Variants in PDE11A observed in about 807,000 individuals in gnomAD.
PDE11A encodes dual 3',5'-cyclic-AMP and -GMP phosphodiesterase 11A.
A neutral mutation model predicts 100.5 loss-of-function variants in PDE11A; 100 were observed. The observed-to-expected ratio is 1.00, with a 90% CI of 0.85 to 1.18. The LOEUF (loss-of-function observed/expected upper bound fraction) is 1.18. Among genes scored for constraint, PDE11A ranks in the 50% most tolerant of loss-of-function variants. The pLI is 0.00. For synonymous variants in PDE11A, 381 were observed against 420.8 expected, an observed-to-expected ratio of 0.91 and a Z score of 1.16; for missense variants, 1,141 against 1,152.6, an observed-to-expected ratio of 0.99 and a Z score of 0.15.
chr2:178,031,022 T>C (rs1318028097), intron 1 of PDE11A, among the ~76,000 whole-genome samples: 1 of 152,180 alleles, frequency 6.6e-6, no homozygotes, highest in Non-Finnish European at 1.5e-5. Flanking sequence ...GCAAGATTGG[T>C]TTAATATGAG....
chr2:177,936,903 C>T (rs900771587), intron 2 of PDE11A, among the ~76,000 whole-genome samples: 1 of 150,540 alleles, frequency 6.6e-6, no homozygotes, highest in Non-Finnish European at 1.5e-5. Context: ...GCCTTGGTGA[C>T]AAGAGAAGGA....
intron 10 of PDE11A, among the ~76,000 whole-genome samples, chr2:177,738,831 G>A (rs932501227): frequency 2.0e-5 from 3 of 152,304 alleles, no homozygotes; most frequent in African/African-American, 4.8e-5. Flanking sequence ...GATAATGAGA[G>A]AACTTGTTCA....
intron 19 of PDE11A, among the ~76,000 whole-genome samples, chr2:177,662,542 G>A (rs1002866973): frequency 1.8e-4 from 27 of 152,194 alleles, no homozygotes; most frequent in African/African-American, 6.3e-4. Context: ...TTGCACATGG[G>A]GGACTGCTTA....
intron 2 of PDE11A, among the ~76,000 whole-genome samples, chr2:177,956,383 TG>T (rs1409972966): frequency 6.6e-6 from 1 of 152,108 alleles, no homozygotes; most frequent in African/African-American, 2.4e-5. Flanking sequence ...CCAGTTAGAA[TG>T]GCAATCATTA....
intron 9 of PDE11A, among the ~76,000 whole-genome samples, chr2:177,789,483 C>T (rs1353871806): frequency 3.3e-5 from 5 of 151,608 alleles, no homozygotes; most frequent in African/African-American, 9.7e-5. Flanking sequence ...TGGCACAAGA[C>T]AGGGATGCCC....
intron 10 of PDE11A, among the ~76,000 whole-genome samples, chr2:177,755,692 C>T (rs1305981133): frequency 6.6e-6 from 1 of 152,180 alleles, no homozygotes; most frequent in Non-Finnish European, 1.5e-5. Context: ...CAGAAAATGT[C>T]CCTGATATTT....
intron 1 of PDE11A, among the ~76,000 whole-genome samples, chr2:178,065,062 GC>G (rs1379994925): frequency 6.6e-6 from 1 of 151,944 alleles, no homozygotes; most frequent in Non-Finnish European, 1.5e-5. Context: ...AATAAATATA[GC>G]CTCAATGCCT....
intron 10 of PDE11A, among the ~76,000 whole-genome samples, chr2:177,743,764 T>A (rs549756958): frequency 6.6e-6 from 1 of 152,016 alleles, no homozygotes; most frequent in East Asian, 1.9e-4. Flanking sequence ...AGGGAAAAGG[T>A]AGGGAGTGGG....
At chr2:177,944,336 T>C (rs759157634) in intron 2 of PDE11A, among the ~76,000 whole-genome samples, 7 of 152,112 alleles carry the variant, frequency 4.6e-5, no homozygotes, top group Non-Finnish European at 1.0e-4. Flanking sequence ...AAATAACCAA[T>C]AATCAAAATA....
chr2:177,935,190 C>G (rs1332038877), intron 2 of PDE11A, among the ~76,000 whole-genome samples: 2 of 152,176 alleles, frequency 1.3e-5, no homozygotes. Context: ...TAGACTTGTT[C>G]TGGTTAAGCA....
Position 177,840,313 on chromosome 2 carries a change from C to T in PDE11A, c.1438G>A (p.Ala480Thr), listed in dbSNP as rs776044222. ...ATGTTCACTGGAAGGCCTGTTGAAGCAACCAGCTCAGCAATGCTGTTATTT... is the reference window on the plus strand; with the variant it reads ...ATGTTCACTGGAAGGCCTGTTGAAGTAACCAGCTCAGCAATGCTGTTATTT... ...LINNSIAELV[A>T]STGLPVNISD... is the part of the protein sequence containing the mutation. Residue 480 changes from alanine (A) to threonine (T), a missense_variant, in exon 6 of 20, where the codon GCT (alanine) becomes ACT (threonine). Physicochemically the swap from Ala to Thr is moderately conservative, Grantham distance 58. Coordinates refer to ENST00000286063, the MANE Select transcript of PDE11A (RefSeq NM_016953.4). 3.7e-6 allele frequency: 6 copies of T among 1,613,886 alleles called. No individual in the cohort carries two copies. Among genetic ancestry groups the T allele is most frequent in the Non-Finnish European group, 5.1e-6 (6 of 1,179,754 alleles).
intron 9 of PDE11A, among the ~76,000 whole-genome samples, chr2:177,790,076 A>T (rs1027193558): frequency 1.4e-4 from 22 of 152,182 alleles, no homozygotes; most frequent in Non-Finnish European, 2.8e-4. Context: ...AGCCCGCATC[A>T]CCAAGTCAGT....
In PDE11A at chr2:177,856,390, G is replaced by A. The variant is rs575612607; in HGVS notation, c.1368-16007C>T. Among the ~76,000 whole-genome samples, 6 of 152,010 alleles carry A rather than the reference G, an allele frequency of 3.9e-5. No homozygotes were observed. The East Asian group carries it at 1.2e-3, about 29-fold the overall frequency. On this transcript the variant is annotated intron_variant, in intron 5 of 19. Coordinates refer to ENST00000286063, the MANE Select transcript of PDE11A (RefSeq NM_016953.4). ...TTTTCAATAAAAATTTATAAGACGTGCAAAGATACAGTAAAGGATACTCCA... is the reference window on the plus strand; with the variant it reads ...TTTTCAATAAAAATTTATAAGACGTACAAAGATACAGTAAAGGATACTCCA...
intron 6 of PDE11A, 37 bp from the exon 7 acceptor site, chr2:177,820,332 T>G: frequency 9.3e-7 from 1 of 1,074,442 alleles, no homozygotes; most frequent in Non-Finnish European, 1.4e-6. Context: ...AAATTGAATA[T>G]TAACTATTCA....
chr2:177,941,799 A>G (rs1034735295), intron 2 of PDE11A, among the ~76,000 whole-genome samples: 4 of 152,220 alleles, frequency 2.6e-5, no homozygotes, highest in African/African-American at 4.8e-5. Flanking sequence ...CAGAACGTGG[A>G]GTGTTGCAGA....
chr2:177,690,141 T>C (rs1200009424), intron 15 of PDE11A, among the ~76,000 whole-genome samples: 1 of 152,314 alleles, frequency 6.6e-6, no homozygotes, highest in East Asian at 1.9e-4. Context: ...GGATATGGAA[T>C]GAGTATATGG....
chr2:178,055,192 T>C (rs1423938875), intron 1 of PDE11A, among the ~76,000 whole-genome samples: 1 of 152,164 alleles, frequency 6.6e-6, no homozygotes, highest in African/African-American at 2.4e-5. Flanking sequence ...TTCATGTCCT[T>C]TGTAGGGACA....
At chr2:177,680,683 T>C (rs1228070870) in intron 16 of PDE11A, 143 bp downstream of exon 16, 1 of 532,744 alleles carries the variant, frequency 1.9e-6, no homozygotes. Context: ...CTTTAATTAT[T>C]CAACTGATCT....
At chr2:178,025,689 A>G (rs2086469892) in intron 1 of PDE11A, among the ~76,000 whole-genome samples, 2 of 152,234 alleles carry the variant, frequency 1.3e-5, no homozygotes, top group South Asian at 2.1e-4. Flanking sequence ...GATATCTATT[A>G]CCGTAAGTCT....
Sources: gnomAD v4.1 joint callset for allele counts (sites outside exome capture counted in the v4.1 genomes callset) on GRCh38, gnomAD v4.1.1 for gene constraint, MANE v1.5 for transcripts, NCBI Gene and HGNC (gene_info 2026-07-23, HGNC 2026-07-21) for gene names.